The following ZNF382 variants were observed in gnomAD, a reference collection of about 807,000 sequenced individuals.
The protein encoded by ZNF382 is zinc finger protein 382.
In ZNF382, 20 loss-of-function variants were observed where a neutral mutation model predicts 38.8. The ratio of observed to expected loss-of-function variants is 0.51; its 90% confidence interval spans 0.36 to 0.75. The LOEUF is 0.75. ZNF382 is among the 30% of genes least tolerant of loss of function. The pLI, the probability that ZNF382 is intolerant of heterozygous loss-of-function variation, is 0.00. For missense variants in ZNF382, 546 were observed against 654.1 expected (o/e 0.83, Z 1.80); for synonymous variants, 202 against 223.1 (o/e 0.91, Z 0.84).
At chr19:36,615,812 T>G (rs1289513639) in intron 4 of ZNF382, among the ~76,000 whole-genome samples, 1 of 152,242 alleles carries the variant, frequency 6.6e-6, no homozygotes, top group African/African-American at 2.4e-5. Context: ...GTTGAATTTA[T>G]AGTTTTTATA....
intron 3 of ZNF382, 184 bp from the exon 4 acceptor site, chr19:36,610,460 AAAAAAG>A: frequency 2.4e-5 from 11 of 466,284 alleles, no homozygotes; most frequent in South Asian, 1.7e-4. Flanking sequence ...TCTCAAAAAA[AAAAAAG>A]AAAAGAAAAG....
chr19:36,624,360 A>C (rs1423871754), intron 4 of ZNF382, among the ~76,000 whole-genome samples: 1 of 152,194 alleles, frequency 6.6e-6, no homozygotes, highest in East Asian at 1.9e-4. Context: ...CTATTGTGTA[A>C]TACATGACAC....
chr19:36,628,371 C>A lies in ZNF382; in HGVS notation c.*821C>A, dbSNP rs1313135786. On this transcript the variant is annotated 3_prime_UTR_variant, in exon 5 of 5. Transcript: ENST00000292928. ...ATGTGTGTATTCAGTCAGATACTGG[C>A]AGACAATTCAGAACTTTCACCACAT... 6.6e-6 allele frequency: 1 copy of A among 152,566 alleles called. No individual in the cohort carries two copies. The highest frequency in any genetic ancestry group is 2.4e-5 in the African/African-American group (1 of 41,416). The allele number at this position is 152,566 out of a possible 1,614,324, so 9.5% of individuals were successfully genotyped here. A position where few individuals can be genotyped will look rare whatever the true frequency, so the allele number is the denominator to read the frequency against.
chr19:36,626,050 C>A, intron 4 of ZNF382, 80 bp from the exon 5 acceptor site: 1 of 988,502 alleles, frequency 1.0e-6, no homozygotes. Flanking sequence ...TGAGATAGTC[C>A]CACCATAGTT....
intron 4 of ZNF382, among the ~76,000 whole-genome samples, chr19:36,620,304 G>T (rs1653059960): frequency 6.6e-6 from 1 of 152,106 alleles, no homozygotes. Context: ...CTTGATATCT[G>T]CCAGGGATAG....
In ZNF382 at chr19:36,627,468, A is replaced by C. The variant is rs1393368915; in HGVS notation, c.1571A>C (p.Gln524Pro). 2.5e-6 allele frequency: 4 copies of C among 1,614,070 alleles called. No homozygotes were observed. Among genetic ancestry groups the C allele is most frequent in the Non-Finnish European group, 2.5e-6 (3 of 1,180,028 alleles). Residue 524 changes from glutamine (Q) to proline (P), a missense_variant, in exon 5 of 5, where the codon CAG becomes CCG. Transcript: ENST00000292928. ...HTGEKPYECKQCGKFFSCKSN... is the reference protein window; with the variant it reads ...HTGEKPYECKPCGKFFSCKSN... Reference sequence around the variant, plus strand: ...GGCGAGAAACCATATGAATGTAAACAGTGTGGGAAGTTCTTCAGTTGTAAG... The same window carrying C: ...GGCGAGAAACCATATGAATGTAAACCGTGTGGGAAGTTCTTCAGTTGTAAG...
chr19:36,617,871 A>G (rs1020262921), intron 4 of ZNF382, among the ~76,000 whole-genome samples: 1 of 152,182 alleles, frequency 6.6e-6, no homozygotes, highest in Non-Finnish European at 1.5e-5. Flanking sequence ...AATTCTCGCT[A>G]AAACTGGGCC....
intron 4 of ZNF382, among the ~76,000 whole-genome samples, chr19:36,618,147 C>T (rs2037140211): frequency 6.6e-6 from 1 of 152,044 alleles, no homozygotes; most frequent in Non-Finnish European, 1.5e-5. Context: ...TTTAAAAATA[C>T]CAGAAAGGGA....
chr19:36,614,161 G>A (rs187981446), intron 4 of ZNF382, among the ~76,000 whole-genome samples: 382 of 151,986 alleles, frequency 2.5e-3, no homozygotes, highest in African/African-American at 8.8e-3. Context: ...CCAACATGGT[G>A]AAACTCCGTC....
intron 4 of ZNF382, among the ~76,000 whole-genome samples, chr19:36,613,405 T>A (rs1221728574): frequency 2.0e-5 from 3 of 150,956 alleles, no homozygotes; most frequent in African/African-American, 7.3e-5. Context: ...TGCTCTGTAA[T>A]TTCTTTGTAT....
At chr19:36,610,494 A>G (rs2145313884) in intron 3 of ZNF382, 156 bp from the exon 4 acceptor site, 1 of 518,884 alleles carries the variant, frequency 1.9e-6, no homozygotes, top group East Asian at 3.4e-5. Flanking sequence ...AGAAAAGAAA[A>G]TATGATTATA....
rs939751650 is a variant in ZNF382, at chr19:36,628,885, T to G, written c.*1335T>G. 1 of 152,512 alleles carries G rather than the reference T, an allele frequency of 6.6e-6. No individual in the cohort carries two copies. Among genetic ancestry groups the G allele is most frequent in the Admixed American group, 6.5e-5 (1 of 15,276 alleles). The allele number at this position is 152,512 out of a possible 1,614,324, so 9.4% of individuals were successfully genotyped here. A position where few individuals can be genotyped will look rare whatever the true frequency, so the allele number is the denominator to read the frequency against. On this transcript the variant is annotated 3_prime_UTR_variant, in exon 5 of 5. Coordinates refer to ENST00000292928, the MANE Select transcript of ZNF382 (RefSeq NM_032825.5). ...TGATTGTAAGAATGACTTTAACTGTTGCTCATTTCTTTTACACCATCAAAG... is the reference window on the plus strand; with the variant it reads ...TGATTGTAAGAATGACTTTAACTGTGGCTCATTTCTTTTACACCATCAAAG...
intron 4 of ZNF382, among the ~76,000 whole-genome samples, chr19:36,621,857 A>AT (rs755301777): frequency 2.0e-5 from 3 of 152,138 alleles, no homozygotes; most frequent in Non-Finnish European, 4.4e-5. Context: ...GGTTTTATTC[A>AT]TCACAGCTGG....
In ZNF382 at chr19:36,620,753, C is replaced by T. The variant is rs536345895; in HGVS notation, c.233-5377C>T. 5.9e-5 allele frequency among the ~76,000 whole-genome samples: 9 copies of T among 151,696 alleles called. No homozygotes were observed. The South Asian group carries it at 1.9e-3, about 32-fold the overall frequency. ...ACTCTTATTTGTTTATTCTTTTGTT[C>T]CCATAATCTTTTTTTTTTTAATTGA... On this transcript the variant is annotated intron_variant, in intron 4 of 4. Coordinates refer to ENST00000292928, the MANE Select transcript of ZNF382 (RefSeq NM_032825.5).
intron 2 of ZNF382, 130 bp downstream of exon 2, chr19:36,607,752 A>T (rs761698044): frequency 4.0e-6 from 4 of 994,744 alleles, no homozygotes; most frequent in Admixed American, 3.0e-5. Flanking sequence ...TCAGGGCCAG[A>T]TTAGGCTGAG....
rs1279187245 is a variant in ZNF382 at position 36,632,388 on chromosome 19, C to G, written c.*4838C>G. The G allele has an allele frequency of 6.6e-6, 1 of 152,222 alleles. No homozygotes were observed. Among genetic ancestry groups the G allele is most frequent in the Non-Finnish European group, 1.5e-5 (1 of 68,064 alleles). 9.4% of individuals were successfully genotyped at this position (152,222 alleles called of 1,614,324 possible). A position where few individuals can be genotyped will look rare whatever the true frequency, so the allele number is the denominator to read the frequency against. ...TGTTTTTAGTAGAGACAGGGTTTCT[C>G]CATGTTGGCCAGGCTGGTCTCGAAG... On this transcript the variant is annotated 3_prime_UTR_variant, in exon 5 of 5. Transcript: ENST00000292928.
At position 36,626,932 on chromosome 19, in the gene ZNF382, A is replaced by G; in HGVS notation, c.1035A>G (p.Thr345=). ...QKTALTLHEK[T]HIEGKPFICI... is the part of the protein sequence containing the mutation. Reference sequence around the variant, plus strand: ...CAGCCCTCACCCTTCATGAGAAAACACATATAGAGGGGAAACCCTTTATTT... The same window carrying G: ...CAGCCCTCACCCTTCATGAGAAAACGCATATAGAGGGGAAACCCTTTATTT... Residue 345 remains threonine, a synonymous_variant, in exon 5 of 5, where the codon ACA becomes ACG. Transcript: ENST00000292928. The G allele has an allele frequency of 6.2e-7, 1 of 1,614,182 alleles. No individual in the cohort carries two copies. Among genetic ancestry groups the G allele is most frequent in the South Asian group, 1.1e-5 (1 of 91,088 alleles).
At chr19:36,615,750 A>G (rs1209112764) in intron 4 of ZNF382, among the ~76,000 whole-genome samples, 2 of 152,174 alleles carry the variant, frequency 1.3e-5, no homozygotes, top group Non-Finnish European at 2.9e-5. Flanking sequence ...GAAATAATAG[A>G]TATCAGACAA....
intron 4 of ZNF382, among the ~76,000 whole-genome samples, chr19:36,617,850 C>T (rs1008493912): frequency 1.3e-5 from 2 of 152,040 alleles, no homozygotes; most frequent in Non-Finnish European, 2.9e-5. Flanking sequence ...CCAGCTAAAC[C>T]GACTTGACAG....
Sources: gnomAD v4.1 joint callset for allele counts (sites outside exome capture counted in the v4.1 genomes callset) on GRCh38, gnomAD v4.1.1 for gene constraint, MANE v1.5 for transcripts, NCBI Gene and HGNC (gene_info 2026-07-23, HGNC 2026-07-21) for gene names.